UGGT1: variants seen among roughly 807,000 people sequenced by gnomAD.
UGGT1 encodes the protein UDP-glucose glycoprotein glucosyltransferase 1.
UGGT1 carries 107 observed loss-of-function variants against 203.9 expected under a neutral mutation model. That is an observed-to-expected ratio of 0.52 (90% CI 0.45 to 0.62). The LOEUF is 0.62. Ranked by LOEUF, UGGT1 falls within the 20% of genes least tolerant of loss-of-function variation. UGGT1 has a pLI of 0.00. For missense variants in UGGT1, 1,673 were observed against 1,867.2 expected (o/e 0.90, Z 1.92); for synonymous variants, 628 against 653.5 (o/e 0.96, Z 0.59).
intron 1 of UGGT1, among the ~76,000 whole-genome samples, chr2:128,097,192 T>C (rs1242301878): frequency 6.6e-6 from 1 of 151,922 alleles, no homozygotes; most frequent in East Asian, 1.9e-4. Flanking sequence ...CTGGCCAACA[T>C]TGTGAAACCC....
At chr2:128,169,511 G>A (rs910220540) in intron 26 of UGGT1, among the ~76,000 whole-genome samples, 5 of 152,170 alleles carry the variant, frequency 3.3e-5, no homozygotes, top group African/African-American at 9.7e-5. Flanking sequence ...CTTATTAGCC[G>A]CAAAGTATTT....
chr2:128,159,284 A>G (rs1452785494), intron 22 of UGGT1, among the ~76,000 whole-genome samples: 1 of 151,438 alleles, frequency 6.6e-6, no homozygotes, highest in African/African-American at 2.4e-5. Context: ...TATTTTTAGT[A>G]GAGACAGAGT....
chr2:128,182,759 T>C (rs1432870700), intron 37 of UGGT1, among the ~76,000 whole-genome samples: 4 of 151,272 alleles, frequency 2.6e-5, no homozygotes, highest in Non-Finnish European at 5.9e-5. Context: ...TCTTTCCTAC[T>C]CAGTTCCTGT....
chr2:128,118,158 G>C (rs7562429), intron 8 of UGGT1, among the ~76,000 whole-genome samples: 16,995 of 152,078 alleles, frequency 0.11, 1,224 homozygotes, highest in Non-Finnish European at 0.16. Flanking sequence ...ATTACATGTT[G>C]AGTTCATCCT....
intron 22 of UGGT1, among the ~76,000 whole-genome samples, chr2:128,158,702 G>A (rs1006342684): frequency 6.6e-6 from 1 of 152,198 alleles, no homozygotes; most frequent in East Asian, 1.9e-4. Flanking sequence ...AAATATAAAT[G>A]TCTGTTGCTT....
chr2:128,127,575 A>C, intron 12 of UGGT1, 123 bp downstream of exon 12: 6 of 703,332 alleles, frequency 8.5e-6, no homozygotes, highest in South Asian at 7.3e-5. Flanking sequence ...ACCAGCCCCC[A>C]CTGGGTGGAC....
chr2:128,134,575 A>G (rs2105432167), intron 14 of UGGT1, among the ~76,000 whole-genome samples: 1 of 152,324 alleles, frequency 6.6e-6, no homozygotes, highest in African/African-American at 2.4e-5. Flanking sequence ...TCCATTTTTT[A>G]AGGTGAGAGA....
intron 15 of UGGT1, 98 bp from the exon 16 acceptor site, chr2:128,138,617 CTG>C (rs1028976678): frequency 4.3e-6 from 6 of 1,386,174 alleles, no homozygotes; most frequent in Middle Eastern, 2.0e-4. Context: ...GAGTTTTCCT[CTG>C]TTAGCTATAA....
intron 1 of UGGT1, among the ~76,000 whole-genome samples, chr2:128,095,150 T>TCCTCTTCTATAG (rs1432787020): frequency 6.6e-6 from 1 of 152,130 alleles, no homozygotes; most frequent in Non-Finnish European, 1.5e-5. Flanking sequence ...AAGGCCTATA[T>TCCTCTTCTATAG]CCTCTTCACT....
In UGGT1 at chr2:128,160,502, A is replaced by G; in HGVS notation, c.2605A>G (p.Lys869Glu). The change falls in exon 24 of 41, where the codon AAA becomes GAA. Residue 869 changes from lysine (K) to glutamate (E), a missense_variant. Coordinates refer to ENST00000259253, the MANE Select transcript of UGGT1 (RefSeq NM_020120.4). ...SLFKEVFESS[K>E]MDFILSHAVY... is the part of the protein sequence containing the mutation. Reference sequence around the variant, plus strand: ...TTTTAAAGAGGTCTTTGAGTCTTCCAAAATGGATTTCATTTTGTCTCATGC... The same window carrying G: ...TTTTAAAGAGGTCTTTGAGTCTTCCGAAATGGATTTCATTTTGTCTCATGC... 1 of 1,612,768 alleles carries G rather than the reference A, an allele frequency of 6.2e-7. No individual in the cohort carries two copies. Among genetic ancestry groups the G allele is most frequent in the African/African-American group, 1.3e-5 (1 of 74,946 alleles).
intron 1 of UGGT1, among the ~76,000 whole-genome samples, chr2:128,094,858 C>T (rs1304610476): frequency 2.0e-5 from 3 of 150,904 alleles, no homozygotes; most frequent in Admixed American, 1.3e-4. Flanking sequence ...AAGCGATTCT[C>T]CTGCCTCAGC....
intron 25 of UGGT1, among the ~76,000 whole-genome samples, chr2:128,162,154 A>G (rs1185152549): frequency 6.7e-6 from 1 of 150,176 alleles, no homozygotes. Flanking sequence ...TCATGTGCAG[A>G]TTGGCCATTT....
chr2:128,136,486 C>G lies in UGGT1; in HGVS notation c.1583+1525C>G, dbSNP rs115908307. Among the ~76,000 whole-genome samples, 335 of 152,292 alleles carry G rather than the reference C, an allele frequency of 2.2e-3. 3 individuals carry two copies. Among genetic ancestry groups the G allele is most frequent in the African/African-American group, 7.5e-3 (311 of 41,562 alleles). On this transcript the variant is annotated intron_variant, in intron 15 of 40. Coordinates refer to ENST00000259253, the MANE Select transcript of UGGT1 (RefSeq NM_020120.4). ...GGCGTGTGCCTATTCAGATTGGTGTCTTTCACTGAGCAATGTGCATTTAAG... is the reference window on the plus strand; with the variant it reads ...GGCGTGTGCCTATTCAGATTGGTGTGTTTCACTGAGCAATGTGCATTTAAG...
chr2:128,122,427 G>A (rs969456567), intron 10 of UGGT1, among the ~76,000 whole-genome samples: 1 of 151,900 alleles, frequency 6.6e-6, no homozygotes, highest in Admixed American at 6.6e-5. Flanking sequence ...CCAGTTACTC[G>A]GGAGTCTGAT....
chr2:128,161,288 GA>G lies in UGGT1; in HGVS notation c.2825+22del, dbSNP rs1450190328. 9.3e-6 allele frequency: 15 copies of G among 1,611,024 alleles called. No individual in the cohort carries two copies. The highest frequency in any genetic ancestry group is 1.3e-5 in the Non-Finnish European group (15 of 1,178,882). ...AGATGTGTAAGTTTTGCCATAGGAG[GA>G]ATTACAGGGGTTATATAATTGGACT... On this transcript the variant is annotated intron_variant, in intron 25 of 40. Transcript: ENST00000259253.
At chr2:128,111,489 AT>A (rs1404162852) in intron 5 of UGGT1, among the ~76,000 whole-genome samples, 1 of 152,106 alleles carries the variant, frequency 6.6e-6, no homozygotes, top group Non-Finnish European at 1.5e-5. Context: ...TTATACTTAT[AT>A]TTTTATTTAT....
intron 34 of UGGT1, among the ~76,000 whole-genome samples, chr2:128,179,165 A>G (rs1691558917): frequency 6.6e-6 from 1 of 151,820 alleles, no homozygotes; most frequent in African/African-American, 2.4e-5. Flanking sequence ...ATTTTTCACT[A>G]CAGATCTAGT....
chr2:128,129,256 A>G, intron 13 of UGGT1, 77 bp downstream of exon 13: 1 of 1,487,442 alleles, frequency 6.7e-7, no homozygotes, highest in East Asian at 2.4e-5. Context: ...GTCTCTTATG[A>G]GGGTGAAGTT....
At chr2:128,159,093 C>CTG (rs1690386562) in intron 22 of UGGT1, among the ~76,000 whole-genome samples, 1 of 110,466 alleles carries the variant, frequency 9.1e-6, no homozygotes, top group Non-Finnish European at 1.8e-5. Flanking sequence ...CTATCTGAGA[C>CTG]TTTTTTTTTT....
Sources: allele counts gnomAD v4.1 joint callset (sites outside exome capture counted in the v4.1 genomes callset), GRCh38; gene constraint gnomAD v4.1.1; transcripts MANE v1.5; gene names NCBI Gene and HGNC (gene_info 2026-07-23, HGNC 2026-07-21).